Variants in PAPSS2 observed in about 807,000 individuals in gnomAD.
PAPSS2 encodes the protein 3'-phosphoadenosine 5'-phosphosulfate synthase 2.
In PAPSS2, 61 loss-of-function variants were observed where a neutral mutation model predicts 66.5. The ratio of observed to expected loss-of-function variants is 0.92; its 90% confidence interval spans 0.75 to 1.14. The LOEUF (loss-of-function observed/expected upper bound fraction) is 1.14. Ranked by LOEUF, PAPSS2 falls within the 50% of genes most tolerant of loss-of-function variation. PAPSS2 has a pLI of 0.00. For synonymous variants in PAPSS2, 289 were observed against 287.5 expected (o/e 1.01, Z -0.05); for missense variants, 708 against 789.6 (o/e 0.90, Z 1.24).
chr10:87,661,929 G>T (rs1852757944), intron 1 of PAPSS2, among the ~76,000 whole-genome samples: 1 of 152,186 alleles, frequency 6.6e-6, no homozygotes, highest in Non-Finnish European at 1.5e-5. Context: ...GGTACTATCG[G>T]TACTATTTAC....
At chr10:87,702,625 G>A (rs990650270) in intron 1 of PAPSS2, among the ~76,000 whole-genome samples, 1 of 152,216 alleles carries the variant, frequency 6.6e-6, no homozygotes, top group Non-Finnish European at 1.5e-5. Flanking sequence ...AGGGCGGAGT[G>A]GAGTTGTAAA....
At position 87,727,306 on chromosome 10, in the gene PAPSS2, C is replaced by A. The variant is rs267602608; in HGVS notation, c.903C>A (p.Ile301=). ...ALPDGVINMS[I]PIVLPVSAED... is the part of the protein sequence containing the mutation. ...CAGATGGCGTGATCAACATGAGCAT[C>A]CCCATTGTACTGCCCGTCTCTGCAG... Residue 301 remains isoleucine, a synonymous_variant, in exon 9 of 13, where the codon ATC becomes ATA. Transcript: ENST00000456849. 2 of 1,613,512 alleles carry A rather than the reference C, an allele frequency of 1.2e-6. No individual in the cohort carries two copies. Among genetic ancestry groups the A allele is most frequent in the South Asian group, 1.1e-5 (1 of 91,044 alleles).
chr10:87,701,205 AAT>A (rs970670691), intron 1 of PAPSS2, among the ~76,000 whole-genome samples: 20 of 151,028 alleles, frequency 1.3e-4, no homozygotes, highest in South Asian at 8.4e-4. Flanking sequence ...GAAGCACCAA[AAT>A]ATGTTTTTAT....
Position 87,714,058 on chromosome 10 carries a change from C to T in PAPSS2, c.396C>T (p.Ala132=). 6.2e-7 allele frequency: 1 copy of T among 1,613,886 alleles called. No individual in the cohort carries two copies. Among genetic ancestry groups the T allele is most frequent in the African/African-American group, 1.3e-5 (1 of 75,004 alleles). Reference sequence around the variant, plus strand: ...TTGCTTTTCAGGATCGTGAGAATGCCCGCAAAATACATGAATCAGCAGGGC... The same window carrying T: ...TTGCTTTTCAGGATCGTGAGAATGCTCGCAAAATACATGAATCAGCAGGGC... ...ISPFAKDREN[A]RKIHESAGLP... Residue 132 remains alanine (A), a synonymous_variant, in exon 4 of 13, where the codon GCC becomes GCT. Transcript: ENST00000456849.
chr10:87,678,828 G>A (rs1047331861), intron 1 of PAPSS2, among the ~76,000 whole-genome samples: 3 of 152,152 alleles, frequency 2.0e-5, no homozygotes, highest in African/African-American at 7.2e-5. Context: ...TACACTGTTG[G>A]TGGGAATGTA....
At chr10:87,729,599 T>A (rs1202005499) in intron 9 of PAPSS2, among the ~76,000 whole-genome samples, 2 of 152,184 alleles carry the variant, frequency 1.3e-5, no homozygotes, top group African/African-American at 4.8e-5. Context: ...ATTAGGCCAA[T>A]TAATAACCCT....
intron 1 of PAPSS2, among the ~76,000 whole-genome samples, chr10:87,665,743 T>C (rs376613792): frequency 6.6e-6 from 1 of 152,080 alleles, no homozygotes; most frequent in Non-Finnish European, 1.5e-5. Context: ...GAGGAAGACC[T>C]TTTTTTATTT....
At position 87,725,280 on chromosome 10, in the gene PAPSS2, T is replaced by C. The variant is rs1365405655; in HGVS notation, c.881-2004T>C. Among the ~76,000 whole-genome samples the C allele has an allele frequency of 5.3e-5, 8 of 152,228 alleles. No homozygotes were observed. In the South Asian group the frequency reaches 6.2e-4, roughly 12 times the overall value. On this transcript the variant is annotated intron_variant, in intron 8 of 12. Coordinates refer to ENST00000456849, the MANE Select transcript of PAPSS2 (RefSeq NM_001015880.2). The stretch of plus-strand genomic sequence containing the variant: ...AGTAGTTTTCCTGTCTCTTCCTTTG[T>C]GGTCCAGCTGTCATTGGACATTTCT...
rs575847950 is a variant in PAPSS2 at position 87,661,912 on chromosome 10, C to G, written c.27+1904C>G. ...GCACCAACCCAAGTTCCCAAAAGGG[C>G]TAGATAGGTACTATCGGTACTATTT... is the stretch of plus-strand genomic sequence containing the variant. On this transcript the variant is annotated intron_variant, in intron 1 of 12. Transcript: ENST00000456849. Among the ~76,000 whole-genome samples, 4 of 152,290 alleles carry G rather than the reference C, an allele frequency of 2.6e-5. No individual in the cohort carries two copies. In the East Asian group the frequency reaches 7.7e-4, roughly 29 times the overall value.
rs1395235790 is a variant in PAPSS2, at chr10:87,691,426, G to A, written c.28-17770G>A. Among the ~76,000 whole-genome samples, 6 of 151,278 alleles carry A rather than the reference G, an allele frequency of 4.0e-5. No homozygotes were observed. The East Asian group carries it at 1.2e-3, about 29-fold the overall frequency. ...CAGCAAAAATCCATATTTAACCTAC[G>A]TTCTCTTATATTGGTTAGTGTTACC... On this transcript the variant is annotated intron_variant, in intron 1 of 12. Coordinates refer to ENST00000456849, the MANE Select transcript of PAPSS2 (RefSeq NM_001015880.2).
intron 9 of PAPSS2, among the ~76,000 whole-genome samples, chr10:87,737,051 C>T (rs572374338): frequency 5.3e-5 from 8 of 152,278 alleles, no homozygotes; most frequent in African/African-American, 1.9e-4. Context: ...GGCCTAGCAG[C>T]AAGCTCAGAG....
intron 1 of PAPSS2, chr10:87,660,896 A>C (rs1852744136): frequency 9.0e-6 from 4 of 442,116 alleles, no homozygotes; most frequent in Non-Finnish European, 1.8e-5. Context: ...CACTGGGGCC[A>C]CGTCAGATGT....
chr10:87,688,608 C>CGCCA (rs1476845672), intron 1 of PAPSS2, among the ~76,000 whole-genome samples: 1 of 151,766 alleles, frequency 6.6e-6, no homozygotes, highest in Non-Finnish European at 1.5e-5. Context: ...TACAGGCGCC[C>CGCCA]GCCACCACGC....
Position 87,747,079 on chromosome 10 carries a change from C to T in PAPSS2, c.*1109C>T, listed in dbSNP as rs1853950445. The T allele has an allele frequency of 6.6e-6, 1 of 152,104 alleles. No individual in the cohort carries two copies. The highest frequency in any genetic ancestry group is 2.1e-4 in the South Asian group (1 of 4,818). The allele number at this position is 152,104 out of a possible 1,614,324, so 9.4% of individuals were successfully genotyped here. ...AACACAGGAGCTGGGTCAGATTCCC[C>T]TCAGCTGCTTAACAAAGTTCCTCGA... On this transcript the variant is annotated 3_prime_UTR_variant, in exon 13 of 13. Transcript: ENST00000456849.
At chr10:87,718,052 CT>C (rs896381348) in intron 7 of PAPSS2, among the ~76,000 whole-genome samples, 1 of 147,698 alleles carries the variant, frequency 6.8e-6, no homozygotes, top group Non-Finnish European at 1.5e-5. Context: ...TTTCTTTTTT[CT>C]TTTTTTTGAG....
intron 9 of PAPSS2, among the ~76,000 whole-genome samples, chr10:87,736,363 G>T (rs7901518): frequency 1.3e-5 from 2 of 148,576 alleles, no homozygotes; most frequent in Non-Finnish European, 3.0e-5. Flanking sequence ...CGCCTCCCAG[G>T]TTCAAGTGAT....
At chr10:87,696,785 G>A (rs989887313) in intron 1 of PAPSS2, among the ~76,000 whole-genome samples, 1 of 152,178 alleles carries the variant, frequency 6.6e-6, no homozygotes, top group Non-Finnish European at 1.5e-5. Flanking sequence ...AGGTTTTCGT[G>A]ATTTTGTTTG....
At chr10:87,669,487 A>C (rs1852851101) in intron 1 of PAPSS2, among the ~76,000 whole-genome samples, 1 of 152,252 alleles carries the variant, frequency 6.6e-6, no homozygotes, top group Non-Finnish European at 1.5e-5. Context: ...TGTTTTGAGT[A>C]GTTACTAAAA....
chr10:87,679,773 C>G (rs1278123041), intron 1 of PAPSS2, among the ~76,000 whole-genome samples: 1 of 152,002 alleles, frequency 6.6e-6, no homozygotes, highest in African/African-American at 2.4e-5. Flanking sequence ...TGTCTGTAAT[C>G]CCGGCACTTC....
Sources: allele counts gnomAD v4.1 joint callset (sites outside exome capture counted in the v4.1 genomes callset), GRCh38; gene constraint gnomAD v4.1.1; transcripts MANE v1.5; gene names NCBI Gene and HGNC (gene_info 2026-07-23, HGNC 2026-07-21).